DIP2B: variants seen among roughly 807,000 people sequenced by gnomAD.
The protein encoded by DIP2B is DIP2 acetate--CoA ligase B (putative).
In DIP2B, 76 loss-of-function variants were observed where a neutral mutation model predicts 198.0. That is an observed-to-expected ratio of 0.38 (90% CI 0.32 to 0.46). The LOEUF (loss-of-function observed/expected upper bound fraction) is 0.46, where lower values mean the gene tolerates loss of function less well. Among genes scored for constraint, DIP2B ranks in the 20% least tolerant of loss-of-function variants. The pLI is 0.99. For synonymous variants in DIP2B, 701 were observed against 739.1 expected, an observed-to-expected ratio of 0.95 and a Z score of 0.84; for missense variants, 1,559 against 1,978.4, an observed-to-expected ratio of 0.79 and a Z score of 4.02.
chr12:50,514,130 A>ATCTCAGC (rs577517058), intron 1 of DIP2B, among the ~76,000 whole-genome samples: 191 of 138,500 alleles, frequency 1.4e-3, no homozygotes, highest in African/African-American at 5.2e-3. Context: ...CAATGGCATG[A>ATCTCAGC]TCTCAGCTCA....
intron 1 of DIP2B, among the ~76,000 whole-genome samples, chr12:50,585,868 A>G (rs558246425): frequency 5.3e-4 from 81 of 152,314 alleles, no homozygotes; most frequent in African/African-American, 1.9e-3. Context: ...TATCCTGGGC[A>G]TTTACTTTTT....
intron 1 of DIP2B, among the ~76,000 whole-genome samples, chr12:50,585,712 G>A (rs1462586594): frequency 6.6e-6 from 1 of 152,166 alleles, no homozygotes; most frequent in Non-Finnish European, 1.5e-5. Context: ...AATGTGGGAA[G>A]TTTTGAGCAA....
intron 1 of DIP2B, among the ~76,000 whole-genome samples, chr12:50,611,413 T>G (rs988384999): frequency 6.6e-6 from 1 of 152,228 alleles, no homozygotes; most frequent in Non-Finnish European, 1.5e-5. Flanking sequence ...TGAGCCTCTA[T>G]TCCTAAGAGT....
chr12:50,732,368 CA>C lies in DIP2B; in HGVS notation c.3814del (p.Arg1272GlufsTer51). 6.2e-7 allele frequency: 1 copy of C among 1,614,148 alleles called. No individual in the cohort carries two copies. Among genetic ancestry groups the C allele is most frequent in the Non-Finnish European group, 8.5e-7 (1 of 1,180,008 alleles). ...TCCCATATAATGGTGTCTTGCAGAC[CA>C]GAGGGATCAACCTCTCCTGCGTCCG... is the stretch of plus-strand genomic sequence containing the variant. ...LGNQVEVLKT[R>X]GINLSCVRTC... On this transcript the variant is annotated frameshift_variant, in exon 32 of 38. Transcript: ENST00000301180. LOFTEE classifies it high-confidence loss of function.
chr12:50,595,600 C>T (rs1958871735), intron 1 of DIP2B, among the ~76,000 whole-genome samples: 1 of 152,152 alleles, frequency 6.6e-6, no homozygotes, highest in African/African-American at 2.4e-5. Context: ...CCACTGAGCC[C>T]AGCCAGTTTT....
Position 50,741,529 on chromosome 12 carries a change from A to G in DIP2B, c.4468A>G (p.Ile1490Val). ...ETSVSRIHRS[I>V]AECAVFTWTN... The stretch of plus-strand genomic sequence containing the variant: ...CTCGGTGTCCCGGATCCACAGAAGC[A>G]TTGCTGAATGGTAACTCCCTCAGCA... Residue 1490 changes from isoleucine (I) to valine (V), a missense_variant, in exon 37 of 38, where the codon ATT becomes GTT. Coordinates refer to ENST00000301180, the MANE Select transcript of DIP2B (RefSeq NM_173602.3). 6.2e-7 allele frequency: 1 copy of G among 1,613,486 alleles called. No individual in the cohort carries two copies. Among genetic ancestry groups the G allele is most frequent in the African/African-American group, 1.3e-5 (1 of 75,058 alleles).
intron 4 of DIP2B, among the ~76,000 whole-genome samples, chr12:50,665,362 A>G (rs952632854): frequency 1.3e-5 from 2 of 152,192 alleles, no homozygotes; most frequent in African/African-American, 4.8e-5. Flanking sequence ...TCGCTAAGTA[A>G]TTTGCCCCAG....
intron 37 of DIP2B, among the ~76,000 whole-genome samples, chr12:50,743,106 T>G (rs1940282893): frequency 6.6e-6 from 1 of 152,120 alleles, no homozygotes; most frequent in Non-Finnish European, 1.5e-5. Flanking sequence ...TTTGTTTTTT[T>G]TGTGAGACAG....
At chr12:50,704,534 T>A (rs1259605642) in intron 20 of DIP2B, among the ~76,000 whole-genome samples, 1 of 152,248 alleles carries the variant, frequency 6.6e-6, no homozygotes, top group African/African-American at 2.4e-5. Context: ...CTGATTTGAT[T>A]AACATGTTGC....
At chr12:50,703,753 G>A (rs1362405684) in intron 19 of DIP2B, among the ~76,000 whole-genome samples, 1 of 151,850 alleles carries the variant, frequency 6.6e-6, no homozygotes. Flanking sequence ...TGACACCAAC[G>A]ACTATGCTGT....
intron 1 of DIP2B, among the ~76,000 whole-genome samples, chr12:50,601,898 C>T (rs1169511460): frequency 6.6e-6 from 1 of 152,246 alleles, no homozygotes; most frequent in East Asian, 1.9e-4. Context: ...GCACCATCTT[C>T]ACCCCTGTGT....
At chr12:50,529,586 G>A (rs1253288066) in intron 1 of DIP2B, among the ~76,000 whole-genome samples, 1 of 152,216 alleles carries the variant, frequency 6.6e-6, no homozygotes, top group African/African-American at 2.4e-5. Context: ...CTGACAGCAT[G>A]GCAGGGGTGG....
rs1171851116 is a variant in DIP2B at position 50,728,603 on chromosome 12, T to G, written c.3566T>G (p.Leu1189Trp). 1.9e-6 allele frequency: 3 copies of G among 1,614,060 alleles called. No individual in the cohort carries two copies. The African/African-American group carries it at 4.0e-5, about 22-fold the overall frequency. Residue 1189 changes from leucine to tryptophan, a missense_variant, in exon 30 of 38, where the codon TTG becomes TGG. Leu to Trp is a moderately conservative substitution (Grantham distance 61). Coordinates refer to ENST00000301180, the MANE Select transcript of DIP2B (RefSeq NM_173602.3). ...CGAGCCATCAAGCTCCAGTGTGAGTTGTACTCTTCTCGGCAGATCGCCATC... is the reference window on the plus strand; with the variant it reads ...CGAGCCATCAAGCTCCAGTGTGAGTGGTACTCTTCTCGGCAGATCGCCATC... Reference protein sequence around the residue: ...LCRAIKLQCELYSSRQIAICL... With the variant: ...LCRAIKLQCEWYSSRQIAICL...
In DIP2B at chr12:50,554,968, C is replaced by T. The variant is rs149650523; in HGVS notation, c.100+49728C>T. 1.7e-3 allele frequency among the ~76,000 whole-genome samples: 257 copies of T among 149,820 alleles called. 4 individuals carry two copies. The East Asian group carries it at 0.045, about 26-fold the overall frequency. ...ATTTTAGTAGAGATGGGGGTTTCAC[C>T]GTGTTGGCCAGGATGGTCTCTTGTC... On this transcript the variant is annotated intron_variant, in intron 1 of 37. Transcript: ENST00000301180.
chr12:50,694,911 A>C (rs937623981), intron 14 of DIP2B, among the ~76,000 whole-genome samples: 2 of 152,136 alleles, frequency 1.3e-5, no homozygotes, highest in African/African-American at 4.8e-5. Context: ...GCTTTAGAAC[A>C]ATTTAAATGA....
At chr12:50,718,460 G>T (rs1447213903) in intron 23 of DIP2B, among the ~76,000 whole-genome samples, 1 of 152,008 alleles carries the variant, frequency 6.6e-6, no homozygotes, top group East Asian at 1.9e-4. Flanking sequence ...CTGTTTTCTT[G>T]TTTGTTTGGT....
At chr12:50,677,393 G>A (rs551418181) in intron 7 of DIP2B, among the ~76,000 whole-genome samples, 11 of 152,130 alleles carry the variant, frequency 7.2e-5, no homozygotes, top group Admixed American at 2.0e-4. Context: ...AGGCTGAGGC[G>A]AGTGGGAATT....
At chr12:50,724,409 TG>T (rs1939893961) in intron 27 of DIP2B, among the ~76,000 whole-genome samples, 1 of 152,174 alleles carries the variant, frequency 6.6e-6, no homozygotes, top group Non-Finnish European at 1.5e-5. Context: ...CCTTCAAACA[TG>T]GTTATCCGAT....
rs529892423 is a variant in DIP2B at position 50,733,078 on chromosome 12, G to A, written c.3981+542G>A. Among the ~76,000 whole-genome samples, 4 of 151,664 alleles carry A rather than the reference G, an allele frequency of 2.6e-5. No individual in the cohort carries two copies. The South Asian group carries it at 8.3e-4, about 32-fold the overall frequency. On this transcript the variant is annotated intron_variant, in intron 32 of 37. Coordinates refer to ENST00000301180, the MANE Select transcript of DIP2B (RefSeq NM_173602.3). ...GTACCACCACGCCCGGCTATTTTTT[G>A]TATTTTTAGTAGAGACAGGGTTTCG...
Sources: gnomAD v4.1 joint callset for allele counts (sites outside exome capture counted in the v4.1 genomes callset) on GRCh38, gnomAD v4.1.1 for gene constraint, MANE v1.5 for transcripts, NCBI Gene and HGNC (gene_info 2026-07-23, HGNC 2026-07-21) for gene names.